The following RUNX1 variants were observed in gnomAD, a reference collection of about 807,000 sequenced individuals.
RUNX1 encodes RUNX family transcription factor 1.
RUNX1 carries 19 observed loss-of-function variants against 42.8 expected under a neutral mutation model. That is an observed-to-expected ratio of 0.44 (90% CI 0.31 to 0.65). The LOEUF is 0.65. Among genes scored for constraint, RUNX1 ranks in the 30% least tolerant of loss-of-function variants. RUNX1 has a pLI of 0.07. For synonymous variants in RUNX1, 271 were observed against 289.4 expected, an observed-to-expected ratio of 0.94 and a Z score of 0.64; for missense variants, 528 against 672.0, an observed-to-expected ratio of 0.79 and a Z score of 2.37.
Position 34,971,027 on chromosome 21 carries a change from T to C in RUNX1, c.58+77815A>G, listed in dbSNP as rs147960568. Among the ~76,000 whole-genome samples the C allele has an allele frequency of 9.8e-5, 15 of 152,318 alleles. No individual in the cohort carries two copies. The East Asian group carries it at 2.3e-3, about 23-fold the overall frequency. ...AAACTTATAAGGTTATGTTGGTATA[T>C]AGTTTATGTAGGTATTATACATTTA... is the stretch of plus-strand genomic sequence containing the variant. On this transcript the variant is annotated intron_variant, in intron 2 of 8. Coordinates refer to ENST00000675419, the MANE Select transcript of RUNX1 (RefSeq NM_001754.5).
Position 34,816,854 on chromosome 21 carries a change from C to T in RUNX1, c.806-17392G>A, listed in dbSNP as rs146418956. ...CTGTTCGTTGGCTTGACTTTTTGGTCATTTCAGAGCAAGAATGAGCTTCGG... is the reference window on the plus strand; with the variant it reads ...CTGTTCGTTGGCTTGACTTTTTGGTTATTTCAGAGCAAGAATGAGCTTCGG... On this transcript the variant is annotated intron_variant, in intron 7 of 8. Coordinates refer to ENST00000675419, the MANE Select transcript of RUNX1 (RefSeq NM_001754.5). Among the ~76,000 whole-genome samples the T allele has an allele frequency of 4.6e-5, 7 of 152,234 alleles. No individual in the cohort carries two copies. In the East Asian group the frequency reaches 1.4e-3, roughly 29 times the overall value.
chr21:34,878,533 C>T (rs2146347713), intron 5 of RUNX1, among the ~76,000 whole-genome samples: 1 of 152,052 alleles, frequency 6.6e-6, no homozygotes, highest in South Asian at 2.1e-4. Flanking sequence ...CTGTTTATGG[C>T]ATTTCAATTA....
intron 2 of RUNX1, among the ~76,000 whole-genome samples, chr21:34,905,249 C>T (rs1329200278): frequency 6.6e-6 from 1 of 152,164 alleles, no homozygotes; most frequent in Non-Finnish European, 1.5e-5. Flanking sequence ...TATTTCTTCC[C>T]CCTCACTAAT....
chr21:34,995,659 T>A (rs1240296007), intron 2 of RUNX1, among the ~76,000 whole-genome samples: 1 of 152,120 alleles, frequency 6.6e-6, no homozygotes, highest in Non-Finnish European at 1.5e-5. Context: ...CAAGCTGTTC[T>A]CGAACTCCTG....
intron 2 of RUNX1, among the ~76,000 whole-genome samples, chr21:35,007,598 G>A (rs1439663329): frequency 6.6e-6 from 1 of 152,146 alleles, no homozygotes; most frequent in East Asian, 1.9e-4. Context: ...CAGGATAGCA[G>A]CCCTTTTGGG....
rs188900273 is a variant in RUNX1, at chr21:34,836,292, C to T, written c.614-1691G>A. Among the ~76,000 whole-genome samples, 474 of 152,294 alleles carry T rather than the reference C, an allele frequency of 3.1e-3. 8 individuals carry two copies. Among genetic ancestry groups the T allele is most frequent in the Non-Finnish European group, 1.4e-3 (96 of 68,030 alleles). ...GTTCTTGGCTGCGTATTTTAAGCAC[C>T]GGCTTTGTGGATGAAAGGCCATGGG... On this transcript the variant is annotated intron_variant, in intron 6 of 8. Transcript: ENST00000675419.
chr21:35,000,003 T>C (rs1397236329), intron 2 of RUNX1, among the ~76,000 whole-genome samples: 2 of 152,140 alleles, frequency 1.3e-5, no homozygotes, highest in East Asian at 1.9e-4. Flanking sequence ...GCCACGCTTA[T>C]AATATTTGAC....
At chr21:34,993,202 C>A (rs2058959135) in intron 2 of RUNX1, among the ~76,000 whole-genome samples, 1 of 152,188 alleles carries the variant, frequency 6.6e-6, no homozygotes, top group South Asian at 2.1e-4. Flanking sequence ...AGCAGAAGGC[C>A]AAGTTTCCCA....
intron 8 of RUNX1, among the ~76,000 whole-genome samples, chr21:34,794,559 C>T (rs1009969245): frequency 3.3e-5 from 5 of 152,194 alleles, no homozygotes; most frequent in Non-Finnish European, 7.3e-5. Context: ...CTCTAAAACT[C>T]ACTTTGTTAC....
intron 2 of RUNX1, among the ~76,000 whole-genome samples, chr21:34,996,422 C>A (rs1457179270): frequency 6.6e-6 from 1 of 152,044 alleles, no homozygotes; most frequent in African/African-American, 2.4e-5. Context: ...CAGAAGAGAG[C>A]AGGCTGCAGG....
chr21:34,796,680 A>T (rs1313678416), intron 8 of RUNX1, among the ~76,000 whole-genome samples: 3 of 152,212 alleles, frequency 2.0e-5, no homozygotes, highest in African/African-American at 7.2e-5. Flanking sequence ...GGCCCCTCCT[A>T]CTGCCCCCAG....
chr21:34,863,221 A>G (rs770504774), intron 5 of RUNX1, among the ~76,000 whole-genome samples: 6 of 152,224 alleles, frequency 3.9e-5, no homozygotes, highest in Non-Finnish European at 8.8e-5. Context: ...TCTTCCGGTT[A>G]TTATCCCTGA....
chr21:35,000,747 C>T (rs190099819), intron 2 of RUNX1, among the ~76,000 whole-genome samples: 5 of 152,266 alleles, frequency 3.3e-5, no homozygotes, highest in African/African-American at 7.2e-5. Context: ...CTCTCTCAAC[C>T]GTCTCTCACA....
chr21:35,035,180 C>G (rs2059298824), intron 2 of RUNX1, among the ~76,000 whole-genome samples: 1 of 152,216 alleles, frequency 6.6e-6, no homozygotes, highest in Non-Finnish European at 1.5e-5. Flanking sequence ...TATCGGGCAG[C>G]ATATTCTATG....
At chr21:34,830,174 T>C (rs1202430398) in intron 7 of RUNX1, among the ~76,000 whole-genome samples, 1 of 152,188 alleles carries the variant, frequency 6.6e-6, no homozygotes, top group African/African-American at 2.4e-5. Flanking sequence ...CGCATACTCA[T>C]AAAAGTGGAT....
At chr21:34,798,030 C>G (rs1453244261) in intron 8 of RUNX1, 5 of 456,414 alleles carry the variant, frequency 1.1e-5, no homozygotes, top group Non-Finnish European at 2.2e-5. Context: ...TCTTAGAAGG[C>G]ATTCTGTGAA....
chr21:34,953,741 A>T (rs986218987), intron 2 of RUNX1, among the ~76,000 whole-genome samples: 4 of 152,236 alleles, frequency 2.6e-5, no homozygotes, highest in African/African-American at 7.2e-5. Context: ...GGAAAGACAA[A>T]TCCACAACTC....
intron 2 of RUNX1, 92 bp downstream of exon 2, chr21:35,048,750 G>A (rs1409550514): frequency 1.1e-5 from 12 of 1,046,066 alleles, no homozygotes; most frequent in East Asian, 2.4e-5. Context: ...GGCAGGCACC[G>A]AGGCATCTCT....
intron 2 of RUNX1, among the ~76,000 whole-genome samples, chr21:34,953,221 G>A (rs1489384793): frequency 2.0e-5 from 3 of 151,900 alleles, no homozygotes; most frequent in Non-Finnish European, 2.9e-5. Flanking sequence ...CCTGTTTTGT[G>A]CAAATTCTGT....
Sources: gnomAD v4.1 joint callset for allele counts (sites outside exome capture counted in the v4.1 genomes callset) on GRCh38, gnomAD v4.1.1 for gene constraint, MANE v1.5 for transcripts, NCBI Gene and HGNC (gene_info 2026-07-23, HGNC 2026-07-21) for gene names.